The following ANKRD7 variants were observed in gnomAD, a reference collection of about 807,000 sequenced individuals.
The protein encoded by ANKRD7 is ankyrin repeat domain 7, also known as ankyrin repeat domain-containing protein 7.
A neutral mutation model predicts 30.8 loss-of-function variants in ANKRD7; 30 were observed. The ratio of observed to expected loss-of-function variants is 0.97; its 90% CI spans 0.73 to 1.32. The LOEUF (loss-of-function observed/expected upper bound fraction) is 1.32, where lower values mean the gene tolerates loss of function less well. Among genes scored for constraint, ANKRD7 ranks in the 40% most tolerant of loss-of-function variants. The pLI, the probability that ANKRD7 is intolerant of heterozygous loss-of-function variation, is 0.00. For synonymous variants in ANKRD7, 97 were observed against 106.6 expected (o/e 0.91, Z 0.55); for missense variants, 264 against 295.7 (o/e 0.89, Z 0.79).
intron 3 of ANKRD7, 141 bp downstream of exon 3, chr7:118,235,015 T>C: frequency 1.6e-6 from 1 of 644,110 alleles, no homozygotes; most frequent in Non-Finnish European, 2.5e-6. Context: ...GAGAAGAGAT[T>C]ATCAAAAACT....
Position 118,232,884 on chromosome 7 carries a change from C to T in ANKRD7, c.180-1547C>T, listed in dbSNP as rs535793327. Among the ~76,000 whole-genome samples, 73 of 152,178 alleles carry T rather than the reference C, an allele frequency of 4.8e-4. No homozygotes were observed. The South Asian group carries it at 6.4e-3, about 13-fold the overall frequency. On this transcript the variant is annotated intron_variant, in intron 1 of 6. Transcript: ENST00000265224. ...TGTGTAATAGCAGATGAGGGAGACA[C>T]ATCAAAATGTTTGCCAGGATTTGCT...
At chr7:118,230,746 CAGAGG>C (rs1006468097) in intron 1 of ANKRD7, among the ~76,000 whole-genome samples, 12 of 151,510 alleles carry the variant, frequency 7.9e-5, no homozygotes, top group African/African-American at 2.7e-4. Flanking sequence ...GAAATGTGGG[CAGAGG>C]AAAGTAGATA....
At chr7:118,227,804 A>C in intron 1 of ANKRD7, 1 of 1,108,682 alleles carries the variant, frequency 9.0e-7, no homozygotes, top group Non-Finnish European at 1.2e-6. Context: ...GGAGTTTTCA[A>C]GTCATAGGGT....
intron 3 of ANKRD7, among the ~76,000 whole-genome samples, chr7:118,235,595 G>C (rs961553758): frequency 3.1e-5 from 4 of 129,544 alleles, no homozygotes; most frequent in East Asian, 2.4e-4. Context: ...CTGGGCAACA[G>C]AGCAAGACTC....
chr7:118,224,730 G>T lies in ANKRD7; in HGVS notation c.-101G>T. 1 of 1,518,244 alleles carries T rather than the reference G, an allele frequency of 6.6e-7. No homozygotes were observed. Among genetic ancestry groups the T allele is most frequent in the Non-Finnish European group, 8.8e-7 (1 of 1,138,062 alleles). 94.0% of individuals were successfully genotyped at this position (1,518,244 alleles called of 1,614,324 possible). A position where few individuals can be genotyped will look rare whatever the true frequency, so the allele number is the denominator to read the frequency against. ...GCATTTCCACTTTCGTCAGGTACTG[G>T]AGAGGGCTGCCGGCCGGATGCCAGG... On this transcript the variant is annotated 5_prime_UTR_variant, in exon 1 of 7. Coordinates refer to ENST00000265224, the MANE Select transcript of ANKRD7 (RefSeq NM_019644.4).
rs1251246633 is a variant in ANKRD7, at chr7:118,224,873, C to G, written c.43C>G (p.Arg15Gly). The change falls in exon 1 of 7, where the codon CGC (arginine) becomes GGC (glycine). Residue 15 changes from arginine (R) to glycine (G), a missense_variant. Transcript: ENST00000265224. ...FSFWKRKNET[R>G]SQGYNLREKD... ...CTTCTGGAAGAGGAAGAATGAGACC[C>G]GCAGCCAGGGCTACAACCTTCGAGA... 1.2e-6 allele frequency: 2 copies of G among 1,614,028 alleles called. No individual in the cohort carries two copies. The highest frequency in any genetic ancestry group is 2.2e-5 in the East Asian group (1 of 44,872).
intron 6 of ANKRD7, among the ~76,000 whole-genome samples, chr7:118,241,011 G>A (rs1056366978): frequency 5.4e-4 from 81 of 149,436 alleles, no homozygotes; most frequent in Admixed American, 3.3e-4. Flanking sequence ...AAAATTAGCC[G>A]GGCGCGGTGG....
chr7:118,226,918 C>G (rs1809553177), intron 1 of ANKRD7, among the ~76,000 whole-genome samples: 1 of 152,126 alleles, frequency 6.6e-6, no homozygotes, highest in South Asian at 2.1e-4. Context: ...GTAGTTGCAT[C>G]TTGTGTTTTA....
chr7:118,235,837 C>G (rs1386703296), intron 3 of ANKRD7, among the ~76,000 whole-genome samples: 4 of 152,082 alleles, frequency 2.6e-5, no homozygotes, highest in Non-Finnish European at 4.4e-5. Context: ...AAGCCTAAAA[C>G]AGGAACTTAA....
At chr7:118,236,180 A>G (rs1255202443) in intron 4 of ANKRD7, 33 bp downstream of exon 4, 1 of 1,285,028 alleles carries the variant, frequency 7.8e-7, no homozygotes, top group Admixed American at 1.8e-5. Context: ...CACATAACTA[A>G]AGCTACCTGA....
At chr7:118,238,877 G>A (rs752158301) in intron 5 of ANKRD7, among the ~76,000 whole-genome samples, 29 of 152,160 alleles carry the variant, frequency 1.9e-4, no homozygotes, top group Non-Finnish European at 2.8e-4. Context: ...AAATTCACAC[G>A]TGAAAGCCGT....
At chr7:118,234,051 A>G (rs907195596) in intron 1 of ANKRD7, among the ~76,000 whole-genome samples, 2 of 152,166 alleles carry the variant, frequency 1.3e-5, no homozygotes, top group African/African-American at 4.8e-5. Flanking sequence ...TTGATTAAGT[A>G]ATATCCTTTC....
In ANKRD7 at chr7:118,224,731, A is replaced by T; in HGVS notation, c.-100A>T. 2 of 1,516,934 alleles carry T rather than the reference A, an allele frequency of 1.3e-6. No homozygotes were observed. The highest frequency in any genetic ancestry group is 1.8e-6 in the Non-Finnish European group (2 of 1,137,216). The allele number at this position is 1,516,934 out of a possible 1,614,324, so 94.0% of individuals were successfully genotyped here. On this transcript the variant is annotated 5_prime_UTR_variant, in exon 1 of 7. Coordinates refer to ENST00000265224, the MANE Select transcript of ANKRD7 (RefSeq NM_019644.4). ...CATTTCCACTTTCGTCAGGTACTGG[A>T]GAGGGCTGCCGGCCGGATGCCAGGG...
chr7:118,234,730 T>A lies in ANKRD7; in HGVS notation c.324T>A (p.Ala108=), dbSNP rs542429695. ...KAVQCQNEDC[A]TILLNFGADP... ...TACAGTGTCAAAATGAGGATTGTGC[T>A]ACTATTCTTCTAAACTTTGGTGCAG... Residue 108 remains alanine (A), a synonymous_variant, in exon 3 of 7, where the codon GCT becomes GCA. Transcript: ENST00000265224. The A allele has an allele frequency of 6.2e-7, 1 of 1,611,562 alleles. No homozygotes were observed. Among genetic ancestry groups the A allele is most frequent in the African/African-American group, 1.3e-5 (1 of 74,922 alleles).
chr7:118,232,720 TTG>T (rs3061652), intron 1 of ANKRD7, among the ~76,000 whole-genome samples: 1,894 of 145,874 alleles, frequency 0.013, 23 homozygotes, highest in African/African-American at 0.031. Flanking sequence ...AGCAGTGTGT[TTG>T]TGTGTGTGTG....
At chr7:118,238,343 A>G (rs1031552521) in intron 5 of ANKRD7, among the ~76,000 whole-genome samples, 9 of 152,112 alleles carry the variant, frequency 5.9e-5, no homozygotes, top group African/African-American at 9.7e-5. Context: ...AAGAAAAGCA[A>G]CTTCCTAATG....
intron 1 of ANKRD7, among the ~76,000 whole-genome samples, chr7:118,226,621 C>A (rs1308868398): frequency 6.6e-6 from 1 of 152,128 alleles, no homozygotes; most frequent in African/African-American, 2.4e-5. Flanking sequence ...ATCCTGTTTT[C>A]TTCACATTGA....
intron 5 of ANKRD7, 51 bp downstream of exon 5, chr7:118,236,977 G>C: frequency 6.3e-7 from 1 of 1,584,644 alleles, no homozygotes; most frequent in Non-Finnish European, 8.6e-7. Context: ...TGATTATAAG[G>C]ATCAAAGCCT....
Position 118,236,795 on chromosome 7 carries a change from C to T in ANKRD7, c.581C>T (p.Ala194Val). ...VNASDNYQRT[A>V]LILAVSGEPP... is the part of the protein sequence containing the mutation. Reference sequence around the variant, plus strand: ...ATTTCTATCTCTTGCTCCAGAACAGCCCTTATTCTTGCTGTCAGTGGTGAA... The same window carrying T: ...ATTTCTATCTCTTGCTCCAGAACAGTCCTTATTCTTGCTGTCAGTGGTGAA... The change falls in exon 5 of 7, where the codon GCC (alanine) becomes GTC (valine). Residue 194 changes from alanine (A) to valine (V), a missense_variant. Coordinates refer to ENST00000265224, the MANE Select transcript of ANKRD7 (RefSeq NM_019644.4). 6.2e-7 allele frequency: 1 copy of T among 1,613,510 alleles called. No homozygotes were observed. Among genetic ancestry groups the T allele is most frequent in the Non-Finnish European group, 8.5e-7 (1 of 1,179,684 alleles).
Sources: allele counts gnomAD v4.1 joint callset (sites outside exome capture counted in the v4.1 genomes callset), GRCh38; gene constraint gnomAD v4.1.1; transcripts MANE v1.5; gene names NCBI Gene and HGNC (gene_info 2026-07-23, HGNC 2026-07-21).